Variants in ARHGAP35 observed in about 807,000 individuals in gnomAD.
ARHGAP35 encodes the protein rho GTPase-activating protein 35.
A neutral mutation model predicts 111.1 loss-of-function variants in ARHGAP35; 15 were observed. The observed-to-expected ratio is 0.13, with a 90% confidence interval of 0.09 to 0.21. The LOEUF (loss-of-function observed/expected upper bound fraction) is 0.21. Ranked by LOEUF, ARHGAP35 falls within the 10% of genes least tolerant of loss-of-function variation. The pLI, the probability that ARHGAP35 is intolerant of heterozygous loss-of-function variation, is 1.00. For missense variants in ARHGAP35, 1,262 were observed against 1,873.0 expected, an observed-to-expected ratio of 0.67 and a Z score of 6.02; for synonymous variants, 643 against 710.3, an observed-to-expected ratio of 0.91 and a Z score of 1.51.
At chr19:46,979,950 A>G (rs911864546) in intron 3 of ARHGAP35, among the ~76,000 whole-genome samples, 1 of 152,132 alleles carries the variant, frequency 6.6e-6, no homozygotes, top group Non-Finnish European at 1.5e-5. Flanking sequence ...CCGAGCAGGA[A>G]GGCAGCAGGG....
At chr19:46,948,234 A>G (rs2056391473) in intron 3 of ARHGAP35, 2 of 152,224 alleles carry the variant, frequency 1.3e-5, no homozygotes, top group African/African-American at 4.8e-5. Context: ...CCAACATTAT[A>G]ACAAAAAACT....
At chr19:46,940,963 G>T (rs1188439490) in intron 3 of ARHGAP35, among the ~76,000 whole-genome samples, 1 of 147,922 alleles carries the variant, frequency 6.8e-6, no homozygotes, top group African/African-American at 2.4e-5. Context: ...CCTACCAGAT[G>T]CAGGTCGCAC....
intron 2 of ARHGAP35, among the ~76,000 whole-genome samples, chr19:46,923,333 C>T (rs1599821476): frequency 1.3e-5 from 2 of 152,032 alleles, no homozygotes; most frequent in East Asian, 3.9e-4. Flanking sequence ...CCAGGATGGT[C>T]TCCATCTCCT....
At position 46,901,077 on chromosome 19, in the gene ARHGAP35, A is replaced by G. The variant is rs2056081620; in HGVS notation, c.-188-17411A>G. Among the ~76,000 whole-genome samples the G allele has an allele frequency of 6.6e-6, 1 of 152,244 alleles. No individual in the cohort carries two copies. Among genetic ancestry groups the G allele is most frequent in the African/African-American group, 2.4e-5 (1 of 41,470 alleles). On this transcript the variant is annotated intron_variant, in intron 1 of 6. Transcript: ENST00000672722. This position sits in a 1 kb window ranked among gnomAD's most constrained non-coding sequence, Gnocchi z 4.5. ...CTCTTTTGTTCATTGCTGTATCCAC[A>G]TGCCTAGTACAGTGCCTGGCACAGT...
intron 1 of ARHGAP35, among the ~76,000 whole-genome samples, chr19:46,915,567 C>A (rs888300797): frequency 6.6e-6 from 1 of 152,148 alleles, no homozygotes; most frequent in African/African-American, 2.4e-5. Context: ...GGTGGTCTGA[C>A]TTCCAGTGGC....
At chr19:46,955,801 A>G (rs1407010011) in intron 3 of ARHGAP35, among the ~76,000 whole-genome samples, 1 of 152,208 alleles carries the variant, frequency 6.6e-6, no homozygotes, top group East Asian at 1.9e-4. Flanking sequence ...CTTTTTAAAA[A>G]ATGGTAATTG....
intron 1 of ARHGAP35, among the ~76,000 whole-genome samples, chr19:46,897,352 G>A (rs1169519086): frequency 6.6e-6 from 1 of 151,512 alleles, no homozygotes; most frequent in East Asian, 1.9e-4. Context: ...GGCATTTTTT[G>A]TTAATGGAAA....
rs2056653369 is a variant in ARHGAP35 at position 46,986,886 on chromosome 19, TGGC to T, written c.3827-1102_3827-1100del. Reference sequence around the variant, plus strand: ...TCTTGTTGCCCAGGCTGGAGTGCAGTGGCACGATCTTGGCTCACCACAACCTCC... The same window carrying T: ...TCTTGTTGCCCAGGCTGGAGTGCAGTACGATCTTGGCTCACCACAACCTCC... On this transcript the variant is annotated intron_variant, in intron 3 of 6. Coordinates refer to ENST00000672722, the MANE Select transcript of ARHGAP35 (RefSeq NM_004491.5). This position sits in a 1 kb window ranked among gnomAD's most constrained non-coding sequence, Gnocchi z 4.3. Among the ~76,000 whole-genome samples, 1 of 152,260 alleles carries T rather than the reference TGGC, an allele frequency of 6.6e-6. No homozygotes were observed. The highest frequency in any genetic ancestry group is 2.4e-5 in the African/African-American group (1 of 41,476).
chr19:46,989,720 G>A lies in ARHGAP35; in HGVS notation c.4036+45G>A. On this transcript the variant is annotated intron_variant, in intron 5 of 6. Transcript: ENST00000672722. The surrounding 1 kb of genome is among the most constrained non-coding windows in gnomAD (Gnocchi z 5.3). The stretch of plus-strand genomic sequence containing the variant: ...TGTTGGGCGGATTGAGGGAGAAAGG[G>A]CTTGGCACTGGAAGAATAGGTCCTG... 7 of 1,610,788 alleles carry A rather than the reference G, an allele frequency of 4.3e-6. No individual in the cohort carries two copies. Among genetic ancestry groups the A allele is most frequent in the Non-Finnish European group, 5.9e-6 (7 of 1,178,528 alleles).
intron 3 of ARHGAP35, among the ~76,000 whole-genome samples, chr19:46,944,133 C>A (rs2056364989): frequency 6.6e-6 from 1 of 151,952 alleles, no homozygotes; most frequent in South Asian, 2.1e-4. Context: ...AATCCTGTCT[C>A]TACCAAAAAT....
rs757589554 is a variant in ARHGAP35 at position 46,999,316 on chromosome 19, G to A, written c.4049G>A (p.Arg1350Gln). 38 of 1,587,044 alleles carry A rather than the reference G, an allele frequency of 2.4e-5. No individual in the cohort carries two copies. Among genetic ancestry groups the A allele is most frequent in the Non-Finnish European group, 2.8e-5 (33 of 1,166,740 alleles). The change falls in exon 6 of 7, where the codon CGG (arginine) becomes CAG (glutamine). Residue 1350 changes from arginine to glutamine, a missense_variant. By Grantham distance (43) the Arg-to-Gln change is conservative. This residue lies in a region of ARHGAP35 where 50 missense variants were observed against 60.5 expected (regional missense o/e 0.83). Transcript: ENST00000672722. The surrounding 1 kb of genome is among the most constrained non-coding windows in gnomAD (Gnocchi z 5.4). ...DLVEAHKIND[R>Q]EQKLHALKEV... is the part of the protein sequence containing the mutation. Reference sequence around the variant, plus strand: ...TCTCTCTCCTCAGAAATCAACGACCGGGAGCAGAAGTTGCATGCCCTTAAG... The same window carrying A: ...TCTCTCTCCTCAGAAATCAACGACCAGGAGCAGAAGTTGCATGCCCTTAAG...
intron 3 of ARHGAP35, among the ~76,000 whole-genome samples, chr19:46,963,742 G>A (rs578133773): frequency 2.8e-4 from 43 of 152,306 alleles, no homozygotes; most frequent in African/African-American, 1.0e-3. Context: ...TATCTCCCAT[G>A]GGACTTAATC....
intron 1 of ARHGAP35, among the ~76,000 whole-genome samples, chr19:46,864,592 T>C (rs919115029): frequency 6.6e-6 from 1 of 152,242 alleles, no homozygotes; most frequent in African/African-American, 2.4e-5. Flanking sequence ...GTTGGACCAT[T>C]CACTCATCAA....
chr19:46,921,396 G>C lies in ARHGAP35; in HGVS notation c.2721G>C (p.Glu907Asp). 6.2e-7 allele frequency: 1 copy of C among 1,613,972 alleles called. No individual in the cohort carries two copies. The highest frequency in any genetic ancestry group is 8.5e-7 in the Non-Finnish European group (1 of 1,179,886). ...ACTTAAGTAGGGAACAGCTAACTGA[G>C]GGGGAGGAGATTGCTCAAGAAATTG... The part of the protein sequence containing the change: ...DNDLSREQLT[E>D]GEEIAQEIDG... The change falls in exon 2 of 7, where the codon GAG becomes GAC. Residue 907 changes from glutamate (E) to aspartate (D), a missense_variant. Transcript: ENST00000672722. This position sits in a 1 kb window ranked among gnomAD's most constrained non-coding sequence, Gnocchi z 4.3.
chr19:46,873,958 G>A (rs1416399670), intron 1 of ARHGAP35, among the ~76,000 whole-genome samples: 1 of 152,110 alleles, frequency 6.6e-6, no homozygotes, highest in Admixed American at 6.5e-5. Flanking sequence ...ATGTTAGTGA[G>A]GCTGGTCTCA....
chr19:46,913,905 AAG>A (rs1457591406), intron 1 of ARHGAP35, among the ~76,000 whole-genome samples: 1 of 152,114 alleles, frequency 6.6e-6, no homozygotes, highest in Non-Finnish European at 1.5e-5. Flanking sequence ...TTAAACTCTA[AAG>A]ACATTGTGAA....
chr19:46,970,323 A>C (rs1384422612), intron 3 of ARHGAP35, among the ~76,000 whole-genome samples: 1 of 152,158 alleles, frequency 6.6e-6, no homozygotes, highest in Non-Finnish European at 1.5e-5. Flanking sequence ...TTGCAGAAAT[A>C]TTTGTGATTT....
At position 46,861,207 on chromosome 19, in the gene ARHGAP35, C is replaced by T. The variant is rs2055824360; in HGVS notation, c.-191C>T. Among the ~76,000 whole-genome samples, 1 of 151,522 alleles carries T rather than the reference C, an allele frequency of 6.6e-6. No individual in the cohort carries two copies. The highest frequency in any genetic ancestry group is 6.6e-5 in the Admixed American group (1 of 15,226). Reference sequence around the variant, plus strand: ...CCGGGGCCGCGCTGAGGGCGCCCAGCTGGTGAGTGCGCGAGCTCACGGGCC... The same window carrying T: ...CCGGGGCCGCGCTGAGGGCGCCCAGTTGGTGAGTGCGCGAGCTCACGGGCC... On this transcript the variant is annotated splice_region_variant and 5_prime_UTR_variant, in exon 1 of 7. Transcript: ENST00000672722.
rs776877496 is a variant in ARHGAP35, at chr19:46,919,705, C to T, written c.1030C>T (p.Leu344=). The change falls in exon 2 of 7, where the codon CTG becomes TTG. Residue 344 remains leucine (L), a synonymous_variant. Coordinates refer to ENST00000672722, the MANE Select transcript of ARHGAP35 (RefSeq NM_004491.5). The surrounding 1 kb of genome is among the most constrained non-coding windows in gnomAD (Gnocchi z 6.2). ...ERRRKLYLAA[L]PLAFEALIPN... Reference sequence around the variant, plus strand: ...TAGGAGAAAGCTGTACCTGGCAGCCCTGCCATTAGCTTTTGAAGCTCTTAT... The same window carrying T: ...TAGGAGAAAGCTGTACCTGGCAGCCTTGCCATTAGCTTTTGAAGCTCTTAT... 1 of 1,613,990 alleles carries T rather than the reference C, an allele frequency of 6.2e-7. No homozygotes were observed. Among genetic ancestry groups the T allele is most frequent in the East Asian group, 2.2e-5 (1 of 44,886 alleles).
Sources: gnomAD v4.1 joint callset for allele counts (sites outside exome capture counted in the v4.1 genomes callset) on GRCh38, gnomAD v4.1.1 for gene constraint, gnomAD v4.1.1 regional missense constraint, Gnocchi (gnomAD v3.1) non-coding constraint, MANE v1.5 for transcripts, NCBI Gene and HGNC (gene_info 2026-07-23, HGNC 2026-07-21) for gene names.